CACNA1C: variants seen among roughly 807,000 people sequenced by gnomAD.
CACNA1C encodes voltage-dependent L-type calcium channel subunit alpha-1C.
Under a neutral mutation model 229.0 loss-of-function variants are expected in CACNA1C, and 30 were observed. The ratio of observed to expected loss-of-function variants is 0.13; its 90% CI spans 0.10 to 0.18. The LOEUF (loss-of-function observed/expected upper bound fraction) is 0.18. CACNA1C is among the 10% of genes least tolerant of loss of function. The pLI, the probability that CACNA1C is intolerant of heterozygous loss-of-function variation, is 1.00. For missense variants in CACNA1C, 1,658 were observed against 2,845.0 expected (o/e 0.58, Z 9.49); for synonymous variants, 1,114 against 1,132.5 (o/e 0.98, Z 0.33).
chr12:2,633,591 C>T lies in CACNA1C; in HGVS notation c.3829-706C>T, dbSNP rs1348954838. ...CTCTGTTCTTGTCTGTCTAATATTC[C>T]TTTTTAATCCCCATCCTGCCTGCCC... On this transcript the variant is annotated intron_variant, in intron 29 of 46. Transcript: ENST00000399655. This position sits in a 1 kb window ranked among gnomAD's most constrained non-coding sequence, Gnocchi z 5.8. The T allele has an allele frequency of 8.6e-7, 1 of 1,168,178 alleles. No individual in the cohort carries two copies. Among genetic ancestry groups the T allele is most frequent in the Non-Finnish European group, 1.3e-6 (1 of 773,126 alleles). The allele number at this position is 1,168,178 out of a possible 1,614,324, so 72.4% of individuals were successfully genotyped here. A position where few individuals can be genotyped will look rare whatever the true frequency, so the allele number is the denominator to read the frequency against.
At chr12:2,401,334 A>C (rs963590199) in intron 3 of CACNA1C, among the ~76,000 whole-genome samples, 2 of 152,136 alleles carry the variant, frequency 1.3e-5, no homozygotes, top group Non-Finnish European at 2.9e-5. Context: ...GTTAAGTTTC[A>C]AGGGAGGACT....
At chr12:2,670,944 A>G (rs2096539081) in intron 38 of CACNA1C, among the ~76,000 whole-genome samples, 1 of 151,956 alleles carries the variant, frequency 6.6e-6, no homozygotes, top group South Asian at 2.1e-4. Context: ...ATATACCATC[A>G]GTAGCCAATG....
intron 29 of CACNA1C, among the ~76,000 whole-genome samples, chr12:2,628,835 G>GAGAGATCACACACA: frequency 6.6e-6 from 1 of 152,296 alleles, no homozygotes; most frequent in South Asian, 2.1e-4. Context: ...CTGCACTCCA[G>GAGAGATCACACACA]CTGGGGCAAC....
chr12:2,545,753 C>A (rs2099879864), intron 9 of CACNA1C, among the ~76,000 whole-genome samples: 1 of 152,192 alleles, frequency 6.6e-6, no homozygotes, highest in African/African-American at 2.4e-5. Flanking sequence ...CCTTTTGCAC[C>A]AACCTAACTT....
chr12:2,139,322 C>A (rs2093896756), intron 3 of CACNA1C, among the ~76,000 whole-genome samples: 1 of 151,192 alleles, frequency 6.6e-6, no homozygotes, highest in Admixed American at 6.7e-5. Flanking sequence ...ATAAGGACAG[C>A]AGTCATTGGA....
chr12:2,554,895 G>A (rs566021255), intron 10 of CACNA1C, among the ~76,000 whole-genome samples: 6 of 152,142 alleles, frequency 3.9e-5, no homozygotes, highest in Non-Finnish European at 8.8e-5. Context: ...GCCATTTGGC[G>A]GTTGCTTGTC....
chr12:2,054,951 C>T lies in CACNA1C; in HGVS notation c.49+1340C>T, dbSNP rs2054090595. Among the ~76,000 whole-genome samples the T allele has an allele frequency of 6.6e-6, 1 of 152,324 alleles. No homozygotes were observed. Among genetic ancestry groups the T allele is most frequent in the Non-Finnish European group, 1.5e-5 (1 of 68,034 alleles). On this transcript the variant is annotated intron_variant, in intron 1 of 46. Transcript: ENST00000399655. This position sits in a 1 kb window ranked among gnomAD's most constrained non-coding sequence, Gnocchi z 5.5. Reference sequence around the variant, plus strand: ...CAGCTCCACCTTTTGGGGACAGGGCCTTCACTCTTTAGAGCCAGAAGCTGC... The same window carrying T: ...CAGCTCCACCTTTTGGGGACAGGGCTTTCACTCTTTAGAGCCAGAAGCTGC...
chr12:2,417,974 C>T (rs1353957235), intron 3 of CACNA1C, among the ~76,000 whole-genome samples: 1 of 152,122 alleles, frequency 6.6e-6, no homozygotes, highest in Non-Finnish European at 1.5e-5. Flanking sequence ...GCAGGGACTT[C>T]AGTGGAGACC....
chr12:2,532,628 G>A (rs190568502), intron 9 of CACNA1C, among the ~76,000 whole-genome samples: 98 of 152,240 alleles, frequency 6.4e-4, no homozygotes, highest in Middle Eastern at 6.8e-3. Flanking sequence ...CACACTGCCC[G>A]ACACTCCCAC....
intron 1 of CACNA1C, among the ~76,000 whole-genome samples, chr12:2,055,786 A>G (rs1305822269): frequency 6.6e-6 from 1 of 152,192 alleles, no homozygotes; most frequent in African/African-American, 2.4e-5. Context: ...TGCGGTTCCC[A>G]GGTGGAAGAG....
intron 3 of CACNA1C, among the ~76,000 whole-genome samples, chr12:2,393,985 C>T (rs2098530146): frequency 6.6e-6 from 1 of 152,040 alleles, no homozygotes. Context: ...TGTCATGGGC[C>T]TGTAGTCCCA....
intron 9 of CACNA1C, among the ~76,000 whole-genome samples, chr12:2,540,401 G>T (rs930153314): frequency 6.6e-6 from 1 of 152,082 alleles, no homozygotes; most frequent in Non-Finnish European, 1.5e-5. Context: ...GCAGGAGGGT[G>T]GTCCTGGGAG....
chr12:2,380,773 T>G (rs113444115), intron 3 of CACNA1C, among the ~76,000 whole-genome samples: 1 of 152,204 alleles, frequency 6.6e-6, no homozygotes, highest in African/African-American at 2.4e-5. Context: ...ATTTATTATT[T>G]GTGTAGAGAT....
chr12:2,016,561 T>C (rs1300505747), intron 1 of CACNA1C, among the ~76,000 whole-genome samples: 2 of 152,078 alleles, frequency 1.3e-5, no homozygotes, highest in African/African-American at 4.8e-5. Flanking sequence ...TCTCGAGTAG[T>C]TGGGATTACA....
chr12:2,302,244 G>A (rs1181263024), intron 3 of CACNA1C, among the ~76,000 whole-genome samples: 1 of 151,970 alleles, frequency 6.6e-6, no homozygotes, highest in African/African-American at 2.4e-5. Flanking sequence ...CCACTGCTGG[G>A]ACTTTCGGAT....
intron 3 of CACNA1C, among the ~76,000 whole-genome samples, chr12:2,223,644 C>A (rs916594345): frequency 6.6e-5 from 10 of 152,152 alleles, no homozygotes; most frequent in African/African-American, 2.2e-4. Context: ...GAGTTTGAAT[C>A]GGATCTCTCT....
Position 2,135,725 on chromosome 12 carries a change from A to G in CACNA1C, c.477+15295A>G, listed in dbSNP as rs1467145552. ...CTCTCTTCAAAGCTGTCAGACAGGG[A>G]CATTTAAGTCTGCAGAAGTTACTGC... On this transcript the variant is annotated intron_variant, in intron 3 of 46. Coordinates refer to ENST00000399655, the MANE Select transcript of CACNA1C (RefSeq NM_000719.7). Among the ~76,000 whole-genome samples the G allele has an allele frequency of 2.1e-5, 3 of 142,684 alleles. 1 individual carries two copies. Among genetic ancestry groups the G allele is most frequent in the Non-Finnish European group, 4.5e-5 (3 of 66,690 alleles). The allele number at this position is 142,684 out of a possible 152,430, so 93.6% of individuals were successfully genotyped here.
intron 3 of CACNA1C, among the ~76,000 whole-genome samples, chr12:2,437,860 G>T (rs762705379): frequency 7.9e-6 from 1 of 125,988 alleles, no homozygotes; most frequent in African/African-American, 2.5e-5. Context: ...TGATGGTGGT[G>T]ATGGTGGTGG....
At chr12:2,122,003 C>T (rs910787782) in intron 3 of CACNA1C, among the ~76,000 whole-genome samples, 2 of 152,168 alleles carry the variant, frequency 1.3e-5, no homozygotes, top group African/African-American at 2.4e-5. Flanking sequence ...CTTCACCCCT[C>T]GGTTTCCAGG....
Sources: gnomAD v4.1 joint callset for allele counts (sites outside exome capture counted in the v4.1 genomes callset) on GRCh38, gnomAD v4.1.1 for gene constraint, Gnocchi (gnomAD v3.1) non-coding constraint, MANE v1.5 for transcripts, NCBI Gene and HGNC (gene_info 2026-07-23, HGNC 2026-07-21) for gene names.